The following ATP10A variants were observed in gnomAD, a reference collection of about 807,000 sequenced individuals.
ATP10A encodes the protein ATPase phospholipid transporting 10A (putative), also known as phospholipid-transporting ATPase VA.
Under a neutral mutation model 147.8 loss-of-function variants are expected in ATP10A, and 111 were observed. The ratio of observed to expected loss-of-function variants is 0.75; its 90% CI spans 0.64 to 0.88. ATP10A has a LOEUF of 0.88. ATP10A is among the 40% of genes least tolerant of loss of function. The pLI, the probability that ATP10A is intolerant of heterozygous loss-of-function variation, is 0.00. For missense variants in ATP10A, 1,927 were observed against 1,959.0 expected, an observed-to-expected ratio of 0.98 and a Z score of 0.31; for synonymous variants, 875 against 841.6, an observed-to-expected ratio of 1.04 and a Z score of -0.69.
intron 13 of ATP10A, among the ~76,000 whole-genome samples, chr15:25,701,420 A>G (rs370165597): frequency 6.6e-5 from 10 of 152,332 alleles, no homozygotes; most frequent in African/African-American, 2.4e-4. Flanking sequence ...GCTCCATTCA[A>G]GAAGCCTGAA....
chr15:25,784,434 C>T (rs1375195728), intron 1 of ATP10A, among the ~76,000 whole-genome samples: 3 of 152,328 alleles, frequency 2.0e-5, no homozygotes, highest in South Asian at 4.1e-4. Context: ...AAAACAATAG[C>T]TTGCCTGCCC....
intron 2 of ATP10A, among the ~76,000 whole-genome samples, chr15:25,763,362 G>A (rs1252633706): frequency 5.3e-5 from 8 of 152,052 alleles, no homozygotes; most frequent in Admixed American, 3.9e-4. Flanking sequence ...CAGTGAGTCC[G>A]ACTCATCCCA....
At chr15:25,826,613 G>A (rs1272084163) in intron 1 of ATP10A, among the ~76,000 whole-genome samples, 3 of 152,068 alleles carry the variant, frequency 2.0e-5, no homozygotes, top group African/African-American at 7.2e-5. Context: ...TGGCCAACAT[G>A]GTAAAACCCC....
downstream of ATP10A, among the ~76,000 whole-genome samples, chr15:25,674,546 T>C (rs1899100352): frequency 6.6e-6 from 1 of 152,172 alleles, no homozygotes; most frequent in Admixed American, 6.5e-5. Flanking sequence ...GAATAATAAA[T>C]AAATAAAAAG....
intron 1 of ATP10A, among the ~76,000 whole-genome samples, chr15:25,797,347 GAAT>G (rs1489657473): frequency 2.6e-5 from 4 of 152,206 alleles, no homozygotes; most frequent in Non-Finnish European, 5.9e-5. Flanking sequence ...ATGTCTTTGT[GAAT>G]AAGGACTCCT....
rs117437238 is a variant in ATP10A, at chr15:25,803,710, A to G, written c.450-22487T>C. On this transcript the variant is annotated intron_variant, in intron 1 of 20. Coordinates refer to ENST00000555815, the MANE Select transcript of ATP10A (RefSeq NM_024490.4). ...GACAGCCCACAGTGGGCACTCCGGC[A>G]GGGCCTGTGGAACTGAACAGTGGAT... Among the ~76,000 whole-genome samples, 59 of 152,298 alleles carry G rather than the reference A, an allele frequency of 3.9e-4. No individual in the cohort carries two copies. In the East Asian group the frequency reaches 0.011, roughly 28 times the overall value.
At position 25,679,417 on chromosome 15, in the gene ATP10A, G is replaced by T; in HGVS notation, c.4424C>A (p.Pro1475His). Residue 1475 changes from proline (P) to histidine (H), a missense_variant, in exon 21 of 21, where the codon CCC (proline) becomes CAC (histidine). Pro to His is a moderately conservative substitution (Grantham distance 77). Transcript: ENST00000555815. The stretch of plus-strand genomic sequence containing the variant: ...TTGAAGTCCTGATCGGCCTGAGTGG[G>T]GCTGGACAGGAAGTCCACGTCCCGC... ...GQAGRGLPVQPHSGRSGLQGP... is the reference protein window; with the variant it reads ...GQAGRGLPVQHHSGRSGLQGP... 6.2e-7 allele frequency: 1 copy of T among 1,613,608 alleles called. No individual in the cohort carries two copies. Among genetic ancestry groups the T allele is most frequent in the Non-Finnish European group, 8.5e-7 (1 of 1,179,618 alleles).
At chr15:25,797,122 C>T (rs1234144498) in intron 1 of ATP10A, among the ~76,000 whole-genome samples, 1 of 152,094 alleles carries the variant, frequency 6.6e-6, no homozygotes, top group Non-Finnish European at 1.5e-5. Context: ...ACCAAAATCC[C>T]CCCAAGTCCC....
At chr15:25,767,272 C>T (rs1444622) in intron 2 of ATP10A, among the ~76,000 whole-genome samples, 61,387 of 152,090 alleles carry the variant, frequency 0.4, 13,006 homozygotes, top group East Asian at 0.57. Context: ...TGGGTGGACA[C>T]GCTGTGGCAC....
intron 1 of ATP10A, among the ~76,000 whole-genome samples, chr15:25,829,234 G>A (rs1892250779): frequency 1.3e-5 from 2 of 152,086 alleles, no homozygotes; most frequent in South Asian, 2.1e-4. Context: ...GGGAAGGTTC[G>A]TTCAAACCTC....
chr15:25,761,070 T>C (rs1377631511), intron 2 of ATP10A, among the ~76,000 whole-genome samples: 1 of 152,242 alleles, frequency 6.6e-6, no homozygotes, highest in African/African-American at 2.4e-5. Context: ...AGCTATACTA[T>C]ATATCTCAAC....
chr15:25,680,020 G>A (rs1567294268), intron 20 of ATP10A, 46 bp from the exon 21 acceptor site: 1 of 1,581,538 alleles, frequency 6.3e-7, no homozygotes, highest in Non-Finnish European at 8.6e-7. Flanking sequence ...TCCTGTCGGT[G>A]GTGTCTTTGA....
At chr15:25,776,120 G>A (rs1439198979) in intron 2 of ATP10A, among the ~76,000 whole-genome samples, 1 of 152,206 alleles carries the variant, frequency 6.6e-6, no homozygotes, top group African/African-American at 2.4e-5. Context: ...ATGAGTCTTT[G>A]AAAACACTGA....
chr15:25,748,139 T>A lies in ATP10A; in HGVS notation c.655-11998A>T, dbSNP rs568995134. 1.1e-4 allele frequency among the ~76,000 whole-genome samples: 17 copies of A among 152,220 alleles called. No individual in the cohort carries two copies. The South Asian group carries it at 3.5e-3, about 32-fold the overall frequency. On this transcript the variant is annotated intron_variant, in intron 2 of 20. Transcript: ENST00000555815. ...CACCACACCCGGCTAATTTTTTGTATTTTTAGTAGAGACAGGGTTTCACTG... is the reference window on the plus strand; with the variant it reads ...CACCACACCCGGCTAATTTTTTGTAATTTTAGTAGAGACAGGGTTTCACTG...
chr15:25,784,695 C>G (rs558037157), intron 1 of ATP10A, among the ~76,000 whole-genome samples: 1 of 152,082 alleles, frequency 6.6e-6, no homozygotes, highest in African/African-American at 2.4e-5. Context: ...GAGGCCAAGA[C>G]GGGCGGATCA....
At chr15:25,807,379 A>G (rs12441532) in intron 1 of ATP10A, among the ~76,000 whole-genome samples, 81,930 of 152,182 alleles carry the variant, frequency 0.54, 23,374 homozygotes, top group East Asian at 0.8. Flanking sequence ...CAGGGGCCTC[A>G]AGATATATTA....
intron 1 of ATP10A, among the ~76,000 whole-genome samples, chr15:25,849,647 G>A (rs987034831): frequency 4.6e-5 from 7 of 152,168 alleles, no homozygotes; most frequent in African/African-American, 1.7e-4. Flanking sequence ...TGATCAAGGA[G>A]GAGCACGGCG....
At position 25,861,920 on chromosome 15, in the gene ATP10A, C is replaced by G. The variant is rs1453550751; in HGVS notation, c.449+728G>C. 3 of 240,138 alleles carry G rather than the reference C, an allele frequency of 1.2e-5. No individual in the cohort carries two copies. The East Asian group carries it at 4.2e-4, about 33-fold the overall frequency. The allele number at this position is 240,138 out of a possible 1,614,324, so 14.9% of individuals were successfully genotyped here. A position where few individuals can be genotyped will look rare whatever the true frequency, so the allele number is the denominator to read the frequency against. On this transcript the variant is annotated intron_variant, in intron 1 of 20. Coordinates refer to ENST00000555815, the MANE Select transcript of ATP10A (RefSeq NM_024490.4). The stretch of plus-strand genomic sequence containing the variant: ...CCTCTGGACAGGTCCGCCGGAGACT[C>G]TAAAACTCAGGGAGGGAAAAAGAGC...
intron 2 of ATP10A, among the ~76,000 whole-genome samples, chr15:25,754,820 G>C (rs911129414): frequency 6.6e-6 from 1 of 152,090 alleles, no homozygotes; most frequent in Admixed American, 6.6e-5. Context: ...TATGTAAAAC[G>C]TTCCAGATGA....
Sources: allele counts gnomAD v4.1 joint callset (sites outside exome capture counted in the v4.1 genomes callset), GRCh38; gene constraint gnomAD v4.1.1; transcripts MANE v1.5; gene names NCBI Gene and HGNC (gene_info 2026-07-23, HGNC 2026-07-21).